The following SVOP variants were observed in gnomAD, a reference collection of about 807,000 sequenced individuals.
SVOP encodes the protein synaptic vesicle 2-related protein.
A neutral mutation model predicts 69.1 loss-of-function variants in SVOP; 17 were observed. The observed-to-expected ratio is 0.25, with a 90% confidence interval of 0.17 to 0.37. The LOEUF is 0.37. SVOP is among the 10% of genes least tolerant of loss of function. The pLI, the probability that SVOP is intolerant of heterozygous loss-of-function variation, is 1.00. For synonymous variants in SVOP, 238 were observed against 238.6 expected, an observed-to-expected ratio of 1.00 and a Z score of 0.02; for missense variants, 435 against 597.5, an observed-to-expected ratio of 0.73 and a Z score of 2.84.
At chr12:109,007,342 G>A (rs2040314505) in intron 1 of SVOP, among the ~76,000 whole-genome samples, 1 of 152,158 alleles carries the variant, frequency 6.6e-6, no homozygotes, top group South Asian at 2.1e-4. Context: ...ACAAGACCTG[G>A]GGCACTCCCT....
chr12:108,953,136 CTTT>C (rs36158603), intron 6 of SVOP, among the ~76,000 whole-genome samples: 1 of 95,784 alleles, frequency 1.0e-5, no homozygotes, highest in African/African-American at 3.6e-5. Flanking sequence ...ATCTAATTGA[CTTT>C]TTTTTTTTTT....
chr12:109,013,310 T>C (rs1218778145), intron 1 of SVOP, among the ~76,000 whole-genome samples: 1 of 152,018 alleles, frequency 6.6e-6, no homozygotes, highest in Non-Finnish European at 1.5e-5. Flanking sequence ...GAGAATATGG[T>C]ATTGGAGGAT....
At chr12:109,008,698 C>T (rs2040323916) in intron 1 of SVOP, among the ~76,000 whole-genome samples, 1 of 152,094 alleles carries the variant, frequency 6.6e-6, no homozygotes, top group Non-Finnish European at 1.5e-5. Context: ...AGGTGGGTTC[C>T]ATTGCTGTCT....
chr12:108,997,113 G>A (rs1282439091), intron 1 of SVOP, among the ~76,000 whole-genome samples: 10 of 152,292 alleles, frequency 6.6e-5, no homozygotes, highest in South Asian at 4.1e-4. Context: ...TGCACCGTGC[G>A]CGAGCCGAAG....
chr12:109,019,797 C>T (rs2040386614), intron 1 of SVOP, among the ~76,000 whole-genome samples: 1 of 151,998 alleles, frequency 6.6e-6, no homozygotes, highest in African/African-American at 2.4e-5. Flanking sequence ...ATTACAATCC[C>T]CTTCAGTACT....
At chr12:108,986,581 G>A (rs571233871) in intron 1 of SVOP, among the ~76,000 whole-genome samples, 27 of 152,160 alleles carry the variant, frequency 1.8e-4, no homozygotes, top group African/African-American at 2.4e-4. Context: ...TGTCTCCATC[G>A]CTCACATCTT....
At chr12:108,954,808 T>A (rs928726137) in intron 6 of SVOP, among the ~76,000 whole-genome samples, 3 of 152,324 alleles carry the variant, frequency 2.0e-5, no homozygotes, top group East Asian at 3.9e-4. Context: ...GGTAGGCAGA[T>A]CGCTTGAGGC....
chr12:108,930,726 G>C (rs1234810538), intron 11 of SVOP, among the ~76,000 whole-genome samples: 1 of 152,144 alleles, frequency 6.6e-6, no homozygotes, highest in Non-Finnish European at 1.5e-5. Flanking sequence ...GAGCCACTAC[G>C]CCTGGTGAGT....
chr12:108,971,048 T>A (rs2040075780), intron 5 of SVOP, among the ~76,000 whole-genome samples: 1 of 151,710 alleles, frequency 6.6e-6, no homozygotes, highest in African/African-American at 2.4e-5. Flanking sequence ...GATTTACACC[T>A]CAATTAACCC....
chr12:108,991,262 TCTTAAGCAGTA>T (rs1398734902), intron 1 of SVOP, among the ~76,000 whole-genome samples: 1 of 152,120 alleles, frequency 6.6e-6, no homozygotes, highest in African/African-American at 2.4e-5. Flanking sequence ...CCAGGACATC[TCTTAAGCAGTA>T]CTTGCCCAGC....
intron 1 of SVOP, among the ~76,000 whole-genome samples, chr12:109,008,027 G>A (rs1435461108): frequency 1.5e-5 from 2 of 131,414 alleles, no homozygotes; most frequent in Non-Finnish European, 3.5e-5. Flanking sequence ...GACAGAGTGA[G>A]ACCCTGTCTC....
chr12:108,917,994 C>T, intron 14 of SVOP, 49 bp downstream of exon 14: 2 of 1,447,516 alleles, frequency 1.4e-6, no homozygotes, highest in South Asian at 1.3e-5. Context: ...CCCACAGCCA[C>T]TCTCCCCCCA....
intron 8 of SVOP, 136 bp downstream of exon 8, chr12:108,940,648 T>TTG: frequency 7.5e-7 from 1 of 1,328,574 alleles, no homozygotes; most frequent in Non-Finnish European, 1.0e-6. Context: ...CATAGCTCCC[T>TTG]TGTCTCATTT....
chr12:108,928,158 C>G (rs1461424672), intron 11 of SVOP, among the ~76,000 whole-genome samples: 1 of 152,162 alleles, frequency 6.6e-6, no homozygotes, highest in African/African-American at 2.4e-5. Flanking sequence ...CCTGCCTCAG[C>G]CTCCCAAAGT....
intron 6 of SVOP, among the ~76,000 whole-genome samples, chr12:108,955,393 T>C (rs139547980): frequency 2.0e-3 from 308 of 152,324 alleles, no homozygotes; most frequent in African/African-American, 7.1e-3. Context: ...GAGCACATTG[T>C]CCACAAGTCC....
At chr12:108,937,886 G>A (rs919099553) in intron 9 of SVOP, among the ~76,000 whole-genome samples, 2 of 152,188 alleles carry the variant, frequency 1.3e-5, no homozygotes, top group Non-Finnish European at 2.9e-5. Flanking sequence ...CAGGTGTGGT[G>A]GTTCGTGCCT....
chr12:108,994,016 G>C (rs1297168986), intron 1 of SVOP, among the ~76,000 whole-genome samples: 1 of 152,262 alleles, frequency 6.6e-6, no homozygotes, highest in South Asian at 2.1e-4. Flanking sequence ...CATCTTCGCC[G>C]CAAGGACCGT....
intron 7 of SVOP, among the ~76,000 whole-genome samples, chr12:108,942,102 CT>C (rs2137407532): frequency 6.6e-6 from 1 of 152,302 alleles, no homozygotes; most frequent in African/African-American, 2.4e-5. Flanking sequence ...CAGTATTTGT[CT>C]TTTTGTGACT....
At chr12:109,016,768 G>A (rs1468252175) in intron 1 of SVOP, among the ~76,000 whole-genome samples, 1 of 145,790 alleles carries the variant, frequency 6.9e-6, no homozygotes, top group Non-Finnish European at 1.5e-5. Flanking sequence ...TTTGAGACAG[G>A]ATCTCACTCT....
Sources: allele counts gnomAD v4.1 joint callset (sites outside exome capture counted in the v4.1 genomes callset), GRCh38; gene constraint gnomAD v4.1.1; transcripts MANE v1.5; gene names NCBI Gene and HGNC (gene_info 2026-07-23, HGNC 2026-07-21).